Variants in PSMB2 observed in about 807,000 individuals in gnomAD.
The protein encoded by PSMB2 is proteasome 20S subunit beta 2.
In PSMB2, 13 loss-of-function variants were observed where a neutral mutation model predicts 25.7. The ratio of observed to expected loss-of-function variants is 0.51; its 90% CI spans 0.33 to 0.80. The LOEUF (loss-of-function observed/expected upper bound fraction) is 0.80. PSMB2 is among the 30% of genes least tolerant of loss of function. The pLI is 0.02. For synonymous variants in PSMB2, 87 were observed against 96.2 expected, an observed-to-expected ratio of 0.90 and a Z score of 0.56; for missense variants, 202 against 259.0, an observed-to-expected ratio of 0.78 and a Z score of 1.51.
At chr1:35,620,155 T>C (rs896785967) in intron 3 of PSMB2, among the ~76,000 whole-genome samples, 1 of 152,240 alleles carries the variant, frequency 6.6e-6, no homozygotes, top group African/African-American at 2.4e-5. Context: ...AGCTGATTCA[T>C]CTCTCTGAGC....
At chr1:35,638,532 A>G (rs1408460736) in intron 1 of PSMB2, among the ~76,000 whole-genome samples, 1 of 152,188 alleles carries the variant, frequency 6.6e-6, no homozygotes, top group Non-Finnish European at 1.5e-5. Context: ...TAATAATATG[A>G]CTTACCCCTG....
chr1:35,632,549 A>G (rs2148577088), intron 2 of PSMB2, among the ~76,000 whole-genome samples: 1 of 152,342 alleles, frequency 6.6e-6, no homozygotes, highest in South Asian at 2.1e-4. Flanking sequence ...TTTCACATGT[A>G]TTATTGTACT....
In PSMB2 at chr1:35,641,314, T is replaced by C. The variant is rs766901625; in HGVS notation, c.91+28A>G. 8 of 1,613,770 alleles carry C rather than the reference T, an allele frequency of 5.0e-6. No homozygotes were observed. In the African/African-American group the frequency reaches 1.1e-4, roughly 22 times the overall value. On this transcript the variant is annotated intron_variant, in intron 1 of 5. Transcript: ENST00000373237. ...TCTGGCCGCTCCTACACCCCAGGCC[T>C]GGCCGGGCCTCCCCTGCTTCCTCTC...
Position 35,599,838 on chromosome 1 carries a change from T to A in PSMB2, c.*3429A>T. The stretch of plus-strand genomic sequence containing the variant: ...TGAACCAGAGTAATGGGGATGGAGA[T>A]TTATAAAGATTAGGCTGGGTGCAGT... On this transcript the variant is annotated 3_prime_UTR_variant, in exon 6 of 6. Coordinates refer to ENST00000373237, the MANE Select transcript of PSMB2 (RefSeq NM_002794.5). 2 of 984,884 alleles carry A rather than the reference T, an allele frequency of 2.0e-6. No homozygotes were observed. The highest frequency in any genetic ancestry group is 2.4e-6 in the Non-Finnish European group (2 of 829,598). The allele number at this position is 984,884 out of a possible 1,614,324, so 61.0% of individuals were successfully genotyped here. A position where few individuals can be genotyped will look rare whatever the true frequency, so the allele number is the denominator to read the frequency against.
intron 1 of PSMB2, among the ~76,000 whole-genome samples, chr1:35,640,273 A>T (rs1651359096): frequency 6.6e-6 from 1 of 152,174 alleles, no homozygotes; most frequent in Non-Finnish European, 1.5e-5. Context: ...GCACCTACGT[A>T]CACTTAGTAT....
At chr1:35,610,988 ATTT>A (rs374592534) in intron 3 of PSMB2, among the ~76,000 whole-genome samples, 1 of 150,832 alleles carries the variant, frequency 6.6e-6, no homozygotes, top group African/African-American at 2.4e-5. Flanking sequence ...CAAATGGATG[ATTT>A]TTTTTTTCTA....
In PSMB2 at chr1:35,601,210, G is replaced by A; in HGVS notation, c.*2057C>T. 1 of 574,804 alleles carries A rather than the reference G, an allele frequency of 1.7e-6. No homozygotes were observed. Among genetic ancestry groups the A allele is most frequent in the Non-Finnish European group, 2.2e-6 (1 of 455,164 alleles). The allele number at this position is 574,804 out of a possible 1,614,324, so 35.6% of individuals were successfully genotyped here. A position where few individuals can be genotyped will look rare whatever the true frequency, so the allele number is the denominator to read the frequency against. ...GCCTCCCAAGTAGTTGGGTTTACAG[G>A]CGTGTGCCACCACGCCTGGCTAATT... On this transcript the variant is annotated 3_prime_UTR_variant, in exon 6 of 6. Coordinates refer to ENST00000373237, the MANE Select transcript of PSMB2 (RefSeq NM_002794.5).
intron 2 of PSMB2, among the ~76,000 whole-genome samples, chr1:35,632,466 GGA>G (rs1457583996): frequency 2.0e-5 from 3 of 152,190 alleles, no homozygotes; most frequent in South Asian, 2.1e-4. Context: ...TGTCAAATTA[GGA>G]GAGATTCAGA....
chr1:35,621,592 G>C (rs1197010317), intron 3 of PSMB2, among the ~76,000 whole-genome samples: 2 of 152,128 alleles, frequency 1.3e-5, no homozygotes, highest in African/African-American at 4.8e-5. Flanking sequence ...ACATTCAAAA[G>C]TAATGGTAAA....
rs775992910 is a variant in PSMB2, at chr1:35,603,331, C to A, written c.542G>T (p.Arg181Leu). The A allele has an allele frequency of 6.2e-7, 1 of 1,613,968 alleles. No homozygotes were observed. The highest frequency in any genetic ancestry group is 1.3e-5 in the African/African-American group (1 of 74,892). ...FILNLPTFSV[R>L]IIDKNGIHDL... Reference sequence around the variant, plus strand: ...ATGGATGCCATTTTTGTCAATGATTCGAACACTGAAGGTTGGCAGATTCAG... The same window carrying A: ...ATGGATGCCATTTTTGTCAATGATTAGAACACTGAAGGTTGGCAGATTCAG... Residue 181 changes from arginine (R) to leucine (L), a missense_variant, in exon 6 of 6, where the codon CGA becomes CTA. Physicochemically the swap from Arg to Leu is moderately radical, Grantham distance 102 (BLOSUM62 -2). Coordinates refer to ENST00000373237, the MANE Select transcript of PSMB2 (RefSeq NM_002794.5).
intron 4 of PSMB2, among the ~76,000 whole-genome samples, chr1:35,606,874 T>A (rs1187116585): frequency 6.6e-6 from 1 of 152,058 alleles, no homozygotes; most frequent in African/African-American, 2.4e-5. Flanking sequence ...TTAAACAGAA[T>A]AGAGAAATTA....
At chr1:35,625,699 T>C (rs1414510813) in intron 3 of PSMB2, among the ~76,000 whole-genome samples, 1 of 150,156 alleles carries the variant, frequency 6.7e-6, no homozygotes, top group Non-Finnish European at 1.5e-5. Context: ...GAGGTGGAGC[T>C]TGCAGTGAGC....
chr1:35,631,605 A>C lies in PSMB2; in HGVS notation c.215-261T>G, dbSNP rs905536068. On this transcript the variant is annotated intron_variant, in intron 2 of 5. Coordinates refer to ENST00000373237, the MANE Select transcript of PSMB2 (RefSeq NM_002794.5). ...AATGAAACTTCTAGCAGCCTTGCTT[A>C]AACTATTCATTCATCAACACACTGT... 58 of 827,092 alleles carry C rather than the reference A, an allele frequency of 7.0e-5. 1 individual carries two copies. In the South Asian group the frequency reaches 1.8e-3, roughly 26 times the overall value. The allele number at this position is 827,092 out of a possible 1,614,324, so 51.2% of individuals were successfully genotyped here. A position where few individuals can be genotyped will look rare whatever the true frequency, so the allele number is the denominator to read the frequency against.
chr1:35,626,030 G>T (rs1650850490), intron 3 of PSMB2, among the ~76,000 whole-genome samples: 1 of 152,008 alleles, frequency 6.6e-6, no homozygotes, highest in Non-Finnish European at 1.5e-5. Context: ...TAGAGATGGG[G>T]TTTCACCATG....
chr1:35,628,631 A>ATTTTTTTTTT (rs138110586), intron 3 of PSMB2, among the ~76,000 whole-genome samples: 14 of 38,048 alleles, frequency 3.7e-4, no homozygotes, highest in East Asian at 0.012. Flanking sequence ...ATATATATAT[A>ATTTTTTTTTT]TTTTTTTTTT....
At chr1:35,627,665 C>A (rs1650905873) in intron 3 of PSMB2, among the ~76,000 whole-genome samples, 1 of 152,094 alleles carries the variant, frequency 6.6e-6, no homozygotes, top group African/African-American at 2.4e-5. Flanking sequence ...AAAGTAAGAG[C>A]TTTGCATTAT....
intron 3 of PSMB2, among the ~76,000 whole-genome samples, chr1:35,628,632 T>TATATATATATATATATATA (rs1491503087): frequency 8.5e-5 from 3 of 35,482 alleles, no homozygotes; most frequent in Non-Finnish European, 1.6e-4. Context: ...TATATATATA[T>TATATATATATATATATATA]TTTTTTTTTT....
chr1:35,614,243 G>A (rs1463711868), intron 3 of PSMB2, among the ~76,000 whole-genome samples: 1 of 152,120 alleles, frequency 6.6e-6, no homozygotes, highest in Non-Finnish European at 1.5e-5. Flanking sequence ...ACTCTGAGTG[G>A]TAAAGCTACT....
chr1:35,633,072 T>G (rs1173473448), intron 2 of PSMB2, among the ~76,000 whole-genome samples: 2 of 151,732 alleles, frequency 1.3e-5, no homozygotes, highest in African/African-American at 4.8e-5. Context: ...ATACAAAAAA[T>G]TAGCCAGGCA....
Sources: allele counts gnomAD v4.1 joint callset (sites outside exome capture counted in the v4.1 genomes callset), GRCh38; gene constraint gnomAD v4.1.1; transcripts MANE v1.5; gene names NCBI Gene and HGNC (gene_info 2026-07-23, HGNC 2026-07-21).